Variants in USP6 observed in about 807,000 individuals in gnomAD.
The protein encoded by USP6 is ubiquitin specific peptidase 6.
Under a neutral mutation model 175.7 loss-of-function variants are expected in USP6, and 128 were observed. The observed-to-expected ratio is 0.73, with a 90% CI of 0.63 to 0.84. The LOEUF is 0.84. Among genes scored for constraint, USP6 ranks in the 40% least tolerant of loss-of-function variants. USP6 has a pLI of 0.00. For synonymous variants in USP6, 562 were observed against 630.6 expected, an observed-to-expected ratio of 0.89 and a Z score of 1.63; for missense variants, 1,498 against 1,760.3, an observed-to-expected ratio of 0.85 and a Z score of 2.67.
At chr17:5,159,897 G>C (rs2073969428) in intron 31 of USP6, among the ~76,000 whole-genome samples, 2 of 151,332 alleles carry the variant, frequency 1.3e-5, no homozygotes, top group East Asian at 1.9e-4. Context: ...CAGAAAGGTG[G>C]AGGCTGCTAT....
intron 18 of USP6, 101 bp from the exon 19 acceptor site, chr17:5,137,020 C>T: frequency 7.5e-7 from 1 of 1,341,718 alleles, no homozygotes; most frequent in South Asian, 1.2e-5. Context: ...CTGGACACCG[C>T]CCAGTGTTCT....
intron 31 of USP6, among the ~76,000 whole-genome samples, chr17:5,157,721 C>G (rs1486677834): frequency 6.6e-6 from 1 of 152,098 alleles, no homozygotes; most frequent in Non-Finnish European, 1.5e-5. Flanking sequence ...ACCTCTGCCT[C>G]CCAGGTTCAA....
intron 3 of USP6, 93 bp downstream of exon 3, chr17:5,120,881 C>T: frequency 2.2e-6 from 1 of 454,510 alleles, no homozygotes; most frequent in Non-Finnish European, 4.4e-6. Flanking sequence ...ACAGGCTGTC[C>T]CAGTTGGAAG....
At position 5,168,987 on chromosome 17, in the gene USP6, G is replaced by C; in HGVS notation, c.3449G>C (p.Gly1150Ala). The change falls in exon 35 of 38, where the codon GGA becomes GCA. Residue 1150 changes from glycine (G) to alanine (A), a missense_variant. This residue lies in a region of USP6 where 1,217 missense variants were observed against 1,500.8 expected (regional missense o/e 0.81). Coordinates refer to ENST00000574788, the MANE Select transcript of USP6 (RefSeq NM_001304284.2). Reference protein sequence around the residue: ...VKKVDAQSSAGKEDMLLSKSP... With the variant: ...VKKVDAQSSAAKEDMLLSKSP... The stretch of plus-strand genomic sequence containing the variant: ...AAAGTGGATGCGCAGAGTTCGGCTG[G>C]AAAAGAGGACATGCTCCTAAGCAAA... 1 of 1,613,998 alleles carries C rather than the reference G, an allele frequency of 6.2e-7. No individual in the cohort carries two copies. Among genetic ancestry groups the C allele is most frequent in the Non-Finnish European group, 8.5e-7 (1 of 1,179,872 alleles).
At chr17:5,170,170 CCTTACT>C (rs2074181967) in intron 35 of USP6, among the ~76,000 whole-genome samples, 1 of 152,160 alleles carries the variant, frequency 6.6e-6, no homozygotes, top group African/African-American at 2.4e-5. Context: ...TTGGAAAACT[CCTTACT>C]CTAATAGTTG....
Position 5,133,914 on chromosome 17 carries a change from T to A in USP6, c.412T>A (p.Ser138Thr). 1 of 1,614,102 alleles carries A rather than the reference T, an allele frequency of 6.2e-7. No homozygotes were observed. The highest frequency in any genetic ancestry group is 8.5e-7 in the Non-Finnish European group (1 of 1,179,998). ...CATGAAGGAGAGGGGCAAGAGGTCA[T>A]CTGAACACATCCACCACATCGACCT... ...QIMKERGKRS[S>T]EHIHHIDLDV... is the part of the protein sequence containing the mutation. The change falls in exon 15 of 38, where the codon TCT becomes ACT. Residue 138 changes from serine to threonine, a missense_variant. By Grantham distance (58) the Ser-to-Thr change is moderately conservative. Around this residue, in one of 2 missense-constraint regions of USP6, gnomAD observed 281 missense variants for 259.6 expected, o/e 1.08. Transcript: ENST00000574788.
chr17:5,170,549 C>G lies in USP6; in HGVS notation c.3588C>G (p.Ser1196Arg). 5 of 1,611,934 alleles carry G rather than the reference C, an allele frequency of 3.1e-6. No individual in the cohort carries two copies. The South Asian group carries it at 5.5e-5, about 18-fold the overall frequency. The change falls in exon 36 of 38, where the codon AGC (serine) becomes AGG (arginine). Residue 1196 changes from serine (S) to arginine (R), a missense_variant. By Grantham distance (110) the Ser-to-Arg change is moderately radical. This residue lies in a region of USP6 where 1,217 missense variants were observed against 1,500.8 expected (regional missense o/e 0.81). Coordinates refer to ENST00000574788, the MANE Select transcript of USP6 (RefSeq NM_001304284.2). ...GCAAAAACAGCAGCCCTAATAGCAG[C>G]CCACGGACTTTGGGGAGGAGCAAAG... ...PSSKNSSPNSSPRTLGRSKGR... is the reference protein window; with the variant it reads ...PSSKNSSPNSRPRTLGRSKGR...
At chr17:5,161,766 A>G (rs2074008523) in intron 32 of USP6, 152 bp downstream of exon 32, 1 of 929,758 alleles carries the variant, frequency 1.1e-6, no homozygotes. Flanking sequence ...CTGTAATCCC[A>G]TCACTTTGAG....
intron 25 of USP6, among the ~76,000 whole-genome samples, chr17:5,143,581 C>T (rs983071518): frequency 4.0e-5 from 6 of 151,850 alleles, no homozygotes; most frequent in African/African-American, 1.4e-4. Flanking sequence ...GTCATCACCA[C>T]TCCCTAATCT....
chr17:5,135,340 T>A, intron 16 of USP6, 58 bp downstream of exon 16: 1 of 1,593,224 alleles, frequency 6.3e-7, no homozygotes, highest in Non-Finnish European at 8.6e-7. Context: ...CAGGAGTGGG[T>A]GTCTGGTGGG....
intron 1 of USP6, among the ~76,000 whole-genome samples, chr17:5,117,109 A>C (rs1200274436): frequency 6.6e-6 from 1 of 152,228 alleles, no homozygotes; most frequent in Admixed American, 6.5e-5. Flanking sequence ...TATGGTTGCA[A>C]CTTTATTAAT....
At chr17:5,165,762 CTATT>C (rs1231264832) in intron 33 of USP6, among the ~76,000 whole-genome samples, 3 of 152,128 alleles carry the variant, frequency 2.0e-5, no homozygotes, top group Admixed American at 6.5e-5. Context: ...AATTTATAGA[CTATT>C]TAAACAGTAG....
chr17:5,174,207 A>G lies in USP6; in HGVS notation c.*1229A>G, dbSNP rs2074281249. ...TTCCCTCTAATTATTTAAGATTGGA[A>G]CAAAAGTATAAATATTATTTATTTG... On this transcript the variant is annotated 3_prime_UTR_variant, in exon 38 of 38. Transcript: ENST00000574788. 1 of 192,342 alleles carries G rather than the reference A, an allele frequency of 5.2e-6. No homozygotes were observed. The highest frequency in any genetic ancestry group is 2.3e-5 in the African/African-American group (1 of 43,100). The allele number at this position is 192,342 out of a possible 1,614,324, so 11.9% of individuals were successfully genotyped here.
chr17:5,153,513 C>T (rs561104568), intron 30 of USP6, among the ~76,000 whole-genome samples: 23 of 152,078 alleles, frequency 1.5e-4, no homozygotes, highest in Admixed American at 2.0e-4. Context: ...CTTGAACTCC[C>T]GACCTCAGGT....
At chr17:5,154,951 A>T (rs532043717) in intron 30 of USP6, among the ~76,000 whole-genome samples, 4 of 152,206 alleles carry the variant, frequency 2.6e-5, no homozygotes, top group African/African-American at 9.6e-5. Flanking sequence ...GCCCATTCTG[A>T]TCTCAAACTC....
intron 33 of USP6, 131 bp downstream of exon 33, chr17:5,163,135 C>G (rs751802978): frequency 2.3e-6 from 3 of 1,328,262 alleles, no homozygotes; most frequent in Admixed American, 2.9e-5. Flanking sequence ...CTCTATGGCA[C>G]CTAATATATT....
At position 5,154,012 on chromosome 17, in the gene USP6, C is replaced by T. The variant is rs554862422; in HGVS notation, c.2644-1410C>T. Among the ~76,000 whole-genome samples, 4 of 152,298 alleles carry T rather than the reference C, an allele frequency of 2.6e-5. No homozygotes were observed. The South Asian group carries it at 8.3e-4, about 32-fold the overall frequency. On this transcript the variant is annotated intron_variant, in intron 30 of 37. Transcript: ENST00000574788. ...GGAGTAGAATTTATCTCAGTAGTAA[C>T]TGAGAAAGTATGGGCCCTAGGGCAC... is the stretch of plus-strand genomic sequence containing the variant.
rs1480788923 is a variant in USP6 at position 5,146,040 on chromosome 17, A to T, written c.2185A>T (p.Thr729Ser). ...LEITVIKLDG[T>S]TPVRYGLRLN... ...TTTACTAGTGATTAAGTTAGATGGT[A>T]CTACCCCTGTACGGTATGGACTAAG... Residue 729 changes from threonine (T) to serine (S), a missense_variant, in exon 28 of 38, where the codon ACT (threonine) becomes TCT (serine). This residue lies in a region of USP6 where 1,217 missense variants were observed against 1,500.8 expected (regional missense o/e 0.81). Coordinates refer to ENST00000574788, the MANE Select transcript of USP6 (RefSeq NM_001304284.2). 3 of 1,602,362 alleles carry T rather than the reference A, an allele frequency of 1.9e-6. No individual in the cohort carries two copies. The highest frequency in any genetic ancestry group is 1.7e-6 in the Non-Finnish European group (2 of 1,175,032).
intron 13 of USP6, among the ~76,000 whole-genome samples, 189 bp downstream of exon 13, chr17:5,133,179 T>G (rs2073132942): frequency 6.6e-6 from 1 of 152,040 alleles, no homozygotes; most frequent in Admixed American, 6.5e-5. Context: ...TGGGAGGGAA[T>G]CTGAATCTAG....
Sources: gnomAD v4.1 joint callset for allele counts (sites outside exome capture counted in the v4.1 genomes callset) on GRCh38, gnomAD v4.1.1 for gene constraint, gnomAD v4.1.1 regional missense constraint, MANE v1.5 for transcripts, NCBI Gene and HGNC (gene_info 2026-07-23, HGNC 2026-07-21) for gene names.